The following RAB2A variants were observed in gnomAD, a reference collection of about 807,000 sequenced individuals.
The protein encoded by RAB2A is RAB2A, member RAS oncogene family.
A neutral mutation model predicts 32.5 loss-of-function variants in RAB2A; 7 were observed. The observed-to-expected ratio is 0.22, with a 90% CI of 0.12 to 0.40. RAB2A has a LOEUF of 0.40. Ranked by LOEUF, RAB2A falls within the 10% of genes least tolerant of loss-of-function variation. The pLI is 1.00. For missense variants in RAB2A, 108 were observed against 260.7 expected, an observed-to-expected ratio of 0.41 and a Z score of 4.03; for synonymous variants, 79 against 85.2, an observed-to-expected ratio of 0.93 and a Z score of 0.40.
intron 3 of RAB2A, among the ~76,000 whole-genome samples, chr8:60,573,958 C>G (rs1255642539): frequency 6.6e-6 from 1 of 152,202 alleles, no homozygotes; most frequent in African/African-American, 2.4e-5. Flanking sequence ...GAGTTACTGT[C>G]TCTTATTCAG....
intron 1 of RAB2A, among the ~76,000 whole-genome samples, chr8:60,521,352 T>C (rs1355656003): frequency 2.0e-5 from 3 of 152,192 alleles, no homozygotes; most frequent in Middle Eastern, 3.2e-3. Context: ...GAGAGTAATC[T>C]GGGATAGAGA....
intron 6 of RAB2A, among the ~76,000 whole-genome samples, chr8:60,599,511 A>G (rs7462738): frequency 0.24 from 35,971 of 152,096 alleles, 4,295 homozygotes; most frequent in Middle Eastern, 0.39. Flanking sequence ...CAATGGGATG[A>G]ATCCACCCAT....
chr8:60,544,758 G>A (rs1465353165), intron 1 of RAB2A, among the ~76,000 whole-genome samples: 1 of 151,972 alleles, frequency 6.6e-6, no homozygotes, highest in East Asian at 1.9e-4. Flanking sequence ...CTTGCTTGAG[G>A]TCACAGGTTA....
In RAB2A at chr8:60,517,032, G is replaced by C. The variant is rs938411479; in HGVS notation, c.-176G>C. The C allele has an allele frequency of 5.6e-6, 3 of 537,016 alleles. No individual in the cohort carries two copies. Among genetic ancestry groups the C allele is most frequent in the Admixed American group, 4.4e-5 (1 of 22,914 alleles). 33.3% of individuals were successfully genotyped at this position (537,016 alleles called of 1,614,324 possible). A position where few individuals can be genotyped will look rare whatever the true frequency, so the allele number is the denominator to read the frequency against. Reference sequence around the variant, plus strand: ...CGGGCGCTGTCTCCCTCGGCTCTGCGGGTGTCAGTTCGTCCGGCTTCCTCA... The same window carrying C: ...CGGGCGCTGTCTCCCTCGGCTCTGCCGGTGTCAGTTCGTCCGGCTTCCTCA... On this transcript the variant is annotated 5_prime_UTR_variant, in exon 1 of 8. Transcript: ENST00000262646.
intron 1 of RAB2A, among the ~76,000 whole-genome samples, chr8:60,541,560 G>C (rs1186061996): frequency 6.6e-6 from 1 of 152,088 alleles, no homozygotes; most frequent in Non-Finnish European, 1.5e-5. Context: ...GTGGTGGCAG[G>C]CACCTGTAAT....
chr8:60,615,683 C>G (rs1041646337), intron 6 of RAB2A, among the ~76,000 whole-genome samples: 3 of 152,060 alleles, frequency 2.0e-5, no homozygotes, highest in Non-Finnish European at 4.4e-5. Flanking sequence ...TCTCATAAGC[C>G]TTACTAGTAT....
chr8:60,590,233 T>A (rs1803917982), intron 5 of RAB2A, among the ~76,000 whole-genome samples: 1 of 148,256 alleles, frequency 6.7e-6, no homozygotes, highest in South Asian at 2.1e-4. Context: ...GTGCCGTAAT[T>A]ACAGGTGTGA....
chr8:60,566,004 T>G (rs1241143323), intron 2 of RAB2A, among the ~76,000 whole-genome samples: 1 of 152,184 alleles, frequency 6.6e-6, no homozygotes, highest in East Asian at 1.9e-4. Flanking sequence ...TGAGCCACCA[T>G]GCCTGGCCCT....
At chr8:60,606,549 A>G (rs949378655) in intron 6 of RAB2A, among the ~76,000 whole-genome samples, 1 of 152,252 alleles carries the variant, frequency 6.6e-6, no homozygotes, top group Non-Finnish European at 1.5e-5. Flanking sequence ...GAGCATAAGA[A>G]TAAAATGCCC....
At chr8:60,599,585 T>C (rs991402809) in intron 6 of RAB2A, among the ~76,000 whole-genome samples, 2 of 152,108 alleles carry the variant, frequency 1.3e-5, no homozygotes, top group Admixed American at 6.6e-5. Flanking sequence ...GATAGACACA[T>C]AGATCAATGG....
intron 3 of RAB2A, among the ~76,000 whole-genome samples, chr8:60,580,000 CTTTTTT>C (rs10714421): frequency 7.5e-6 from 1 of 133,674 alleles, no homozygotes. Context: ...ATTAAAGCAC[CTTTTTT>C]TTTTTTTTTT....
intron 6 of RAB2A, among the ~76,000 whole-genome samples, chr8:60,612,602 A>G (rs1437691308): frequency 6.6e-6 from 1 of 152,244 alleles, no homozygotes; most frequent in Non-Finnish European, 1.5e-5. Context: ...AATAAAGGAA[A>G]GATATATGTA....
chr8:60,574,504 A>G (rs962936336), intron 3 of RAB2A, among the ~76,000 whole-genome samples: 6 of 152,228 alleles, frequency 3.9e-5, no homozygotes, highest in African/African-American at 1.2e-4. Flanking sequence ...GGAAAGGTTA[A>G]TATAGTAATG....
At chr8:60,550,816 A>G (rs1807834564) in intron 1 of RAB2A, among the ~76,000 whole-genome samples, 1 of 152,160 alleles carries the variant, frequency 6.6e-6, no homozygotes, top group South Asian at 2.1e-4. Flanking sequence ...TTTTATCTCA[A>G]TAAACTTACA....
At chr8:60,618,497 G>A (rs1804484112) in intron 6 of RAB2A, 83 bp from the exon 7 acceptor site, 1 of 616,096 alleles carries the variant, frequency 1.6e-6, no homozygotes, top group African/African-American at 2.0e-5. Flanking sequence ...TATGTTGAAT[G>A]TTATGATATT....
At position 60,533,885 on chromosome 8, in the gene RAB2A, G is replaced by A. The variant is rs565548708; in HGVS notation, c.46+16632G>A. On this transcript the variant is annotated intron_variant, in intron 1 of 7. Coordinates refer to ENST00000262646, the MANE Select transcript of RAB2A (RefSeq NM_002865.3). ...CCCGGGAGACTGAGGCAGGAGAATC[G>A]CTTGAAGGCGGAGGTTGCAGTGAGC... Among the ~76,000 whole-genome samples the A allele has an allele frequency of 8.5e-4, 129 of 152,198 alleles. 2 individuals carry two copies. The highest frequency in any genetic ancestry group is 8.3e-4 in the South Asian group (4 of 4,820).
At chr8:60,533,963 A>AAAAAC (rs1202359188) in intron 1 of RAB2A, among the ~76,000 whole-genome samples, 4 of 151,864 alleles carry the variant, frequency 2.6e-5, no homozygotes, top group African/African-American at 4.8e-5. Flanking sequence ...ACTCTGTCTC[A>AAAAAC]AAAACAAAAC....
intron 3 of RAB2A, among the ~76,000 whole-genome samples, chr8:60,579,723 G>A (rs1015269708): frequency 1.3e-5 from 2 of 151,510 alleles, no homozygotes; most frequent in Non-Finnish European, 2.9e-5. Context: ...CTCCTCCCAG[G>A]TTCACGCCAT....
intron 3 of RAB2A, among the ~76,000 whole-genome samples, chr8:60,583,186 A>G (rs972425449): frequency 3.9e-5 from 6 of 152,342 alleles, no homozygotes; most frequent in South Asian, 2.1e-4. Flanking sequence ...TTGCAAGATC[A>G]GAACTCAGAA....
Sources: gnomAD v4.1 joint callset for allele counts (sites outside exome capture counted in the v4.1 genomes callset) on GRCh38, gnomAD v4.1.1 for gene constraint, MANE v1.5 for transcripts, NCBI Gene and HGNC (gene_info 2026-07-23, HGNC 2026-07-21) for gene names.